The following SPOCK1 variants were observed in gnomAD, a reference collection of about 807,000 sequenced individuals.
SPOCK1 encodes the protein testican-1.
A neutral mutation model predicts 55.3 loss-of-function variants in SPOCK1; 23 were observed. The ratio of observed to expected loss-of-function variants is 0.42; its 90% confidence interval spans 0.30 to 0.59. SPOCK1 has a LOEUF of 0.59. SPOCK1 is among the 20% of genes least tolerant of loss of function. The probability of loss-of-function intolerance (pLI) is 0.22; values close to 1 mark genes in which losing one functional copy is unlikely to be tolerated. For missense variants in SPOCK1, 499 were observed against 552.5 expected (o/e 0.90, Z 0.97); for synonymous variants, 226 against 221.0 (o/e 1.02, Z -0.20).
chr5:137,099,570 ATG>A (rs758856327), intron 5 of SPOCK1, among the ~76,000 whole-genome samples: 4 of 104,982 alleles, frequency 3.8e-5, no homozygotes, highest in African/African-American at 8.7e-5. Flanking sequence ...AAAAATATAT[ATG>A]TGTGTGTATA....
chr5:137,129,709 T>C (rs551785710), intron 4 of SPOCK1, among the ~76,000 whole-genome samples: 13 of 152,274 alleles, frequency 8.5e-5, no homozygotes, highest in African/African-American at 3.1e-4. Context: ...CAATCTTAGG[T>C]TCTACAATAG....
intron 2 of SPOCK1, among the ~76,000 whole-genome samples, chr5:137,274,885 C>A (rs1757032806): frequency 6.6e-6 from 1 of 152,094 alleles, no homozygotes; most frequent in Admixed American, 6.5e-5. Context: ...TTAAATAGAC[C>A]CCATCTATTA....
intron 3 of SPOCK1, among the ~76,000 whole-genome samples, chr5:137,141,020 A>G (rs906212087): frequency 6.6e-6 from 1 of 152,112 alleles, no homozygotes; most frequent in Non-Finnish European, 1.5e-5. Context: ...TCGACCTCCC[A>G]AAGTGCTGGG....
Position 136,985,248 on chromosome 5 carries a change from T to A in SPOCK1, c.929-46A>T, listed in dbSNP as rs760537605. 8 of 1,533,554 alleles carry A rather than the reference T, an allele frequency of 5.2e-6. No homozygotes were observed. In the South Asian group the frequency reaches 8.9e-5, roughly 17 times the overall value. 95.0% of individuals were successfully genotyped at this position (1,533,554 alleles called of 1,614,324 possible). ...GTCAGCTTCCAGATGGTATGGAGTATAATCGCTAATGATTGACTTCACTCT... is the reference window on the plus strand; with the variant it reads ...GTCAGCTTCCAGATGGTATGGAGTAAAATCGCTAATGATTGACTTCACTCT... On this transcript the variant is annotated intron_variant, in intron 8 of 10. Coordinates refer to ENST00000394945, the MANE Select transcript of SPOCK1 (RefSeq NM_004598.4).
intron 3 of SPOCK1, among the ~76,000 whole-genome samples, chr5:137,259,667 A>G (rs887003189): frequency 2.0e-5 from 3 of 149,274 alleles, no homozygotes; most frequent in African/African-American, 7.5e-5. Context: ...AAAACAGATG[A>G]AAAGTAAAGA....
At chr5:137,017,411 C>G (rs1751468375) in intron 6 of SPOCK1, among the ~76,000 whole-genome samples, 1 of 152,152 alleles carries the variant, frequency 6.6e-6, no homozygotes, top group Admixed American at 6.5e-5. Flanking sequence ...TAAAAGAAAA[C>G]AAGAATAATA....
intron 3 of SPOCK1, among the ~76,000 whole-genome samples, chr5:137,209,088 A>G (rs937813605): frequency 6.6e-6 from 1 of 152,208 alleles, no homozygotes; most frequent in Non-Finnish European, 1.5e-5. Context: ...GAGTGTTGTA[A>G]GAATTCAAAG....
chr5:137,023,341 G>A (rs1251560138), intron 6 of SPOCK1, among the ~76,000 whole-genome samples: 1 of 152,132 alleles, frequency 6.6e-6, no homozygotes, highest in Non-Finnish European at 1.5e-5. Flanking sequence ...AGAAACAGAA[G>A]GGCTGGCTTC....
At chr5:137,467,609 C>G (rs1753645744) in intron 2 of SPOCK1, among the ~76,000 whole-genome samples, 1 of 152,158 alleles carries the variant, frequency 6.6e-6, no homozygotes, top group East Asian at 1.9e-4. Flanking sequence ...GATAACACCA[C>G]AGGAAGAATG....
At chr5:137,194,591 C>G (rs942959109) in intron 3 of SPOCK1, among the ~76,000 whole-genome samples, 1 of 152,138 alleles carries the variant, frequency 6.6e-6, no homozygotes, top group African/African-American at 2.4e-5. Context: ...CATGGAAAGC[C>G]CTGCCCTCTA....
chr5:137,263,347 T>A (rs1438739329), intron 3 of SPOCK1, among the ~76,000 whole-genome samples: 1 of 152,180 alleles, frequency 6.6e-6, no homozygotes, highest in Admixed American at 6.5e-5. Flanking sequence ...TGGGGAAGCA[T>A]CTTGCTGACC....
chr5:137,184,603 A>G (rs1432186366), intron 3 of SPOCK1, among the ~76,000 whole-genome samples: 1 of 152,200 alleles, frequency 6.6e-6, no homozygotes, highest in Non-Finnish European at 1.5e-5. Context: ...TGAAATCACA[A>G]GGGGCATCTG....
chr5:137,027,529 T>C (rs1751701223), intron 6 of SPOCK1, among the ~76,000 whole-genome samples: 1 of 152,230 alleles, frequency 6.6e-6, no homozygotes, highest in South Asian at 2.1e-4. Context: ...TATTGAGTAC[T>C]TGAAATGCGG....
intron 2 of SPOCK1, among the ~76,000 whole-genome samples, chr5:137,309,095 CA>C (rs201176705): frequency 9.9e-5 from 15 of 151,076 alleles, no homozygotes; most frequent in South Asian, 2.1e-4. Context: ...AATATCAGAA[CA>C]AAAAAAAATT....
intron 2 of SPOCK1, among the ~76,000 whole-genome samples, chr5:137,417,642 G>T (rs989471683): frequency 6.6e-6 from 1 of 151,972 alleles, no homozygotes; most frequent in South Asian, 2.1e-4. Context: ...TGTACTTTTT[G>T]TATCTGGCTA....
chr5:137,217,816 G>A (rs1323096550), intron 3 of SPOCK1, among the ~76,000 whole-genome samples: 4 of 152,116 alleles, frequency 2.6e-5, no homozygotes, highest in East Asian at 1.9e-4. Context: ...TTACAGCTCC[G>A]AGAAGCTAAG....
intron 3 of SPOCK1, among the ~76,000 whole-genome samples, chr5:137,256,048 G>A (rs1391502032): frequency 6.6e-6 from 1 of 152,160 alleles, no homozygotes. Flanking sequence ...TGGCAGCAAG[G>A]AAACTCAGCA....
At chr5:137,476,763 A>G (rs949372158) in intron 2 of SPOCK1, among the ~76,000 whole-genome samples, 1 of 152,108 alleles carries the variant, frequency 6.6e-6, no homozygotes, top group Admixed American at 6.5e-5. Context: ...CATCTCTACT[A>G]AAAATACAAA....
In SPOCK1 at chr5:137,286,680, T is replaced by G. The variant is rs987424329; in HGVS notation, c.187-19625A>C. Among the ~76,000 whole-genome samples the G allele has an allele frequency of 1.4e-3, 212 of 152,236 alleles. 1 individual carries two copies. The highest frequency in any genetic ancestry group is 5.0e-3 in the African/African-American group (207 of 41,522). Reference sequence around the variant, plus strand: ...AGGGAGATAGAATAGAGTCTGAGTGTGTCAAATCACAGAGCAGGAGGGTGG... The same window carrying G: ...AGGGAGATAGAATAGAGTCTGAGTGGGTCAAATCACAGAGCAGGAGGGTGG... On this transcript the variant is annotated intron_variant, in intron 2 of 10. Transcript: ENST00000394945.
Sources: gnomAD v4.1 joint callset for allele counts (sites outside exome capture counted in the v4.1 genomes callset) on GRCh38, gnomAD v4.1.1 for gene constraint, MANE v1.5 for transcripts, NCBI Gene and HGNC (gene_info 2026-07-23, HGNC 2026-07-21) for gene names.